The following TRPM3 variants were observed in gnomAD, a reference collection of about 807,000 sequenced individuals.
TRPM3 encodes the protein long transient receptor potential channel 3.
TRPM3 carries 77 observed loss-of-function variants against 181.2 expected under a neutral mutation model. The ratio of observed to expected loss-of-function variants is 0.42; its 90% CI spans 0.35 to 0.51. The LOEUF is 0.51. Ranked by LOEUF, TRPM3 falls within the 20% of genes least tolerant of loss-of-function variation. The probability of loss-of-function intolerance (pLI) is 0.01; values close to 1 mark genes in which losing one functional copy is unlikely to be tolerated. For synonymous variants in TRPM3, 745 were observed against 796.4 expected (o/e 0.94, Z 1.09); for missense variants, 1,759 against 2,196.7 (o/e 0.80, Z 3.98).
chr9:70,801,998 T>C (rs942639026), intron 6 of TRPM3, among the ~76,000 whole-genome samples: 6 of 152,210 alleles, frequency 3.9e-5, no homozygotes, highest in African/African-American at 1.4e-4. Context: ...CCCACACTGC[T>C]GGACCCCACC....
chr9:71,295,337 G>C (rs1022711883), intron 1 of TRPM3, among the ~76,000 whole-genome samples: 3 of 151,536 alleles, frequency 2.0e-5, no homozygotes, highest in African/African-American at 4.9e-5. Flanking sequence ...TGTAGAATGA[G>C]AGCTCATGCC....
At chr9:71,033,336 G>A (rs116029634) in intron 1 of TRPM3, among the ~76,000 whole-genome samples, 138 of 152,288 alleles carry the variant, frequency 9.1e-4, no homozygotes, top group African/African-American at 3.2e-3. Context: ...TTCACTTAAT[G>A]TCATAGATAA....
intron 5 of TRPM3, among the ~76,000 whole-genome samples, chr9:70,833,194 A>G (rs1377484771): frequency 6.6e-6 from 1 of 152,218 alleles, no homozygotes; most frequent in Non-Finnish European, 1.5e-5. Flanking sequence ...TAGTTCTTTC[A>G]TGTCCTGTGG....
chr9:71,242,633 T>C (rs921031208), intron 1 of TRPM3, among the ~76,000 whole-genome samples: 6 of 152,196 alleles, frequency 3.9e-5, no homozygotes, highest in African/African-American at 1.4e-4. Context: ...TAAATATTAT[T>C]AGTACTACTC....
At chr9:71,358,387 G>T (rs551225820) in intron 1 of TRPM3, among the ~76,000 whole-genome samples, 1 of 152,202 alleles carries the variant, frequency 6.6e-6, no homozygotes, top group East Asian at 1.9e-4. Flanking sequence ...CAAGCTTTTA[G>T]AAAATGTGCA....
intron 1 of TRPM3, among the ~76,000 whole-genome samples, chr9:70,927,554 C>T (rs921623992): frequency 1.3e-5 from 2 of 152,192 alleles, no homozygotes; most frequent in African/African-American, 4.8e-5. Flanking sequence ...AAAAAATGTT[C>T]TATCAACTCT....
At chr9:70,898,643 G>A (rs944722314) in intron 1 of TRPM3, among the ~76,000 whole-genome samples, 5 of 149,428 alleles carry the variant, frequency 3.3e-5, no homozygotes, top group African/African-American at 1.2e-4. Context: ...AGTTACTCCC[G>A]AGGCTGAGGC....
At chr9:70,996,818 T>C (rs1477272427) in intron 1 of TRPM3, among the ~76,000 whole-genome samples, 2 of 152,226 alleles carry the variant, frequency 1.3e-5, no homozygotes, top group African/African-American at 4.8e-5. Flanking sequence ...AAATGTGGAT[T>C]AAAATTTCTT....
chr9:70,863,961 T>A (rs935724643), intron 2 of TRPM3, among the ~76,000 whole-genome samples: 2 of 152,118 alleles, frequency 1.3e-5, no homozygotes, highest in Non-Finnish European at 2.9e-5. Flanking sequence ...AAATGCTTCT[T>A]ATCTTATATA....
At chr9:70,786,015 G>C (rs942641335) in intron 6 of TRPM3, among the ~76,000 whole-genome samples, 1 of 152,126 alleles carries the variant, frequency 6.6e-6, no homozygotes, top group Non-Finnish European at 1.5e-5. Flanking sequence ...GGAGAGGGAA[G>C]TGAAAGGCCT....
intron 12 of TRPM3, 96 bp downstream of exon 12, chr9:70,635,115 G>T: frequency 9.7e-7 from 1 of 1,030,608 alleles, no homozygotes; most frequent in Non-Finnish European, 1.5e-6. Flanking sequence ...GATAGGGACA[G>T]GAATACTCTG....
chr9:70,989,858 C>T (rs576572818), intron 1 of TRPM3, among the ~76,000 whole-genome samples: 2 of 152,298 alleles, frequency 1.3e-5, no homozygotes, highest in South Asian at 4.1e-4. Flanking sequence ...ATGGGAATCT[C>T]TATTTCCACA....
intron 1 of TRPM3, among the ~76,000 whole-genome samples, chr9:71,322,755 T>C (rs2089351888): frequency 6.6e-6 from 1 of 152,170 alleles, no homozygotes; most frequent in African/African-American, 2.4e-5. Context: ...TAAGTTCTCA[T>C]GTATTTTCAA....
intron 1 of TRPM3, among the ~76,000 whole-genome samples, chr9:71,085,959 A>G (rs1471240776): frequency 1.3e-5 from 2 of 152,082 alleles, no homozygotes; most frequent in African/African-American, 4.8e-5. Context: ...GTGCCCATCA[A>G]CAGTGGACTG....
intron 1 of TRPM3, among the ~76,000 whole-genome samples, chr9:71,268,486 C>T (rs904517024): frequency 5.3e-5 from 8 of 152,044 alleles, no homozygotes; most frequent in Non-Finnish European, 1.2e-4. Flanking sequence ...ACACAATGCT[C>T]TAATGGAAGC....
At chr9:71,294,929 CATT>C in intron 1 of TRPM3, among the ~76,000 whole-genome samples, 1 of 152,004 alleles carries the variant, frequency 6.6e-6, no homozygotes, top group East Asian at 1.9e-4. Flanking sequence ...ACAAAACTTA[CATT>C]ATTTAGGGAC....
upstream of TRPM3, among the ~76,000 whole-genome samples, chr9:71,125,870 C>T (rs933528404): frequency 2.6e-5 from 4 of 151,820 alleles, no homozygotes; most frequent in Non-Finnish European, 4.4e-5. Flanking sequence ...AATTGACAAA[C>T]GGGATCTAAT....
At chr9:71,342,721 C>G (rs1011034008) in intron 1 of TRPM3, among the ~76,000 whole-genome samples, 6 of 152,020 alleles carry the variant, frequency 3.9e-5, no homozygotes, top group Non-Finnish European at 8.8e-5. Flanking sequence ...GATCTTTACC[C>G]CAATCAGCCA....
At chr9:71,180,390 C>T (rs911467694) in intron 1 of TRPM3, among the ~76,000 whole-genome samples, 3 of 152,182 alleles carry the variant, frequency 2.0e-5, no homozygotes, top group Admixed American at 2.0e-4. Flanking sequence ...CTATCATCCC[C>T]AATGTATTTC....
Sources: allele counts gnomAD v4.1 joint callset (sites outside exome capture counted in the v4.1 genomes callset), GRCh38; gene constraint gnomAD v4.1.1; transcripts MANE v1.5; gene names NCBI Gene and HGNC (gene_info 2026-07-23, HGNC 2026-07-21).